Variants in CAMKMT observed in about 807,000 individuals in gnomAD.
CAMKMT encodes the protein CaM KMT.
Under a neutral mutation model 48.0 loss-of-function variants are expected in CAMKMT, and 53 were observed. That is an observed-to-expected ratio of 1.10 (90% CI 0.89 to 1.39). The LOEUF (loss-of-function observed/expected upper bound fraction) is 1.39, where lower values mean the gene tolerates loss of function less well. Ranked by LOEUF, CAMKMT falls within the 40% of genes most tolerant of loss-of-function variation. The probability of loss-of-function intolerance (pLI) is 0.00; values close to 1 mark genes in which losing one functional copy is unlikely to be tolerated. For synonymous variants in CAMKMT, 165 were observed against 152.3 expected, an observed-to-expected ratio of 1.08 and a Z score of -0.61; for missense variants, 428 against 402.7, an observed-to-expected ratio of 1.06 and a Z score of -0.54.
chr2:44,530,039 A>G (rs1666397933), intron 3 of CAMKMT, among the ~76,000 whole-genome samples: 1 of 152,200 alleles, frequency 6.6e-6, no homozygotes, highest in South Asian at 2.1e-4. Context: ...TAGTTCTGTC[A>G]TCAGTTAGAG....
chr2:44,617,937 C>T (rs1410119464), intron 3 of CAMKMT, among the ~76,000 whole-genome samples: 2 of 152,224 alleles, frequency 1.3e-5, no homozygotes, highest in Admixed American at 6.5e-5. Flanking sequence ...ATATAGATGG[C>T]TTATGTAAGA....
chr2:44,707,543 C>A, intron 6 of CAMKMT, 81 bp downstream of exon 6: 2 of 1,181,622 alleles, frequency 1.7e-6, no homozygotes, highest in Non-Finnish European at 2.5e-6. Flanking sequence ...TAAAGAAAGA[C>A]AGCATGGGGT....
At chr2:44,692,696 C>T (rs975047051) in intron 3 of CAMKMT, among the ~76,000 whole-genome samples, 3 of 151,966 alleles carry the variant, frequency 2.0e-5, no homozygotes, top group African/African-American at 7.3e-5. Context: ...TGCACTGTAA[C>T]TCAGGAAGAT....
chr2:44,550,806 G>A (rs1291662769), intron 3 of CAMKMT: 4 of 152,128 alleles, frequency 2.6e-5, no homozygotes, highest in African/African-American at 9.7e-5. Flanking sequence ...CATTGATTGA[G>A]GAGGCATTTA....
chr2:44,369,296 C>A (rs1678929734), intron 1 of CAMKMT, among the ~76,000 whole-genome samples: 1 of 152,164 alleles, frequency 6.6e-6, no homozygotes, highest in Non-Finnish European at 1.5e-5. Context: ...AAAACTTCTA[C>A]ATAGTATATA....
intron 2 of CAMKMT, among the ~76,000 whole-genome samples, chr2:44,386,693 C>T (rs1258632052): frequency 2.0e-5 from 3 of 151,992 alleles, no homozygotes; most frequent in Non-Finnish European, 4.4e-5. Flanking sequence ...TGCTGTATCC[C>T]ATAGATTTTG....
chr2:44,653,697 T>G lies in CAMKMT; in HGVS notation c.377-50586T>G, dbSNP rs866289914. Among the ~76,000 whole-genome samples, 6 of 152,232 alleles carry G rather than the reference T, an allele frequency of 3.9e-5. No homozygotes were observed. Among genetic ancestry groups the G allele is most frequent in the Admixed American group, 6.5e-5 (1 of 15,274 alleles). On this transcript the variant is annotated intron_variant, in intron 3 of 10. Transcript: ENST00000378494. The surrounding 1 kb of genome is among the most constrained non-coding windows in gnomAD (Gnocchi z 5.2). ...GACCAACCAAGATTAATGAAAAATTTTATCCCCCTTTTAAGTAAATTAATC... is the reference window on the plus strand; with the variant it reads ...GACCAACCAAGATTAATGAAAAATTGTATCCCCCTTTTAAGTAAATTAATC...
intron 3 of CAMKMT, among the ~76,000 whole-genome samples, chr2:44,586,083 G>A (rs768076512): frequency 6.6e-5 from 10 of 152,112 alleles, no homozygotes; most frequent in Non-Finnish European, 7.4e-5. Context: ...TCTTCAAATC[G>A]TACAGAGGTA....
intron 3 of CAMKMT, among the ~76,000 whole-genome samples, chr2:44,486,476 C>G (rs1253077235): frequency 6.6e-6 from 1 of 152,126 alleles, no homozygotes; most frequent in African/African-American, 2.4e-5. Flanking sequence ...GCTCTGGAAG[C>G]TTTTTCTGAT....
intron 3 of CAMKMT, among the ~76,000 whole-genome samples, chr2:44,481,195 T>A (rs146158748): frequency 7.9e-5 from 12 of 152,222 alleles, no homozygotes; most frequent in Non-Finnish European, 1.2e-4. Flanking sequence ...TTTTGTGCAT[T>A]GTCAGCTACT....
At chr2:44,459,934 T>C (rs191225197) in intron 3 of CAMKMT, among the ~76,000 whole-genome samples, 1 of 152,304 alleles carries the variant, frequency 6.6e-6, no homozygotes, top group African/African-American at 2.4e-5. Flanking sequence ...TGGAGTGTGA[T>C]TCTATGCTAA....
In CAMKMT at chr2:44,398,000, T is replaced by C. The variant is rs145122011; in HGVS notation, c.376+7695T>C. Among the ~76,000 whole-genome samples, 584 of 152,346 alleles carry C rather than the reference T, an allele frequency of 3.8e-3. 3 individuals are homozygous for C. The highest frequency in any genetic ancestry group is 6.2e-3 in the Non-Finnish European group (419 of 68,020). On this transcript the variant is annotated intron_variant, in intron 3 of 10. Coordinates refer to ENST00000378494, the MANE Select transcript of CAMKMT (RefSeq NM_024766.5). ...TACTTCCAAGTTTTAGCACAAGATA[T>C]GCCAAGAAAGTCTTTTTATTTTTCC...
At chr2:44,448,684 T>C (rs1067404) in intron 3 of CAMKMT, among the ~76,000 whole-genome samples, 2 of 152,058 alleles carry the variant, frequency 1.3e-5, no homozygotes, top group Non-Finnish European at 2.9e-5. Flanking sequence ...TCTGTAAACA[T>C]ATTTTTCACT....
At chr2:44,759,932 T>C (rs1391176983) in intron 9 of CAMKMT, among the ~76,000 whole-genome samples, 1 of 152,196 alleles carries the variant, frequency 6.6e-6, no homozygotes, top group Non-Finnish European at 1.5e-5. Context: ...TTTTTATTTG[T>C]TTTGTGAATC....
At chr2:44,679,252 A>T (rs1675884712) in intron 3 of CAMKMT, among the ~76,000 whole-genome samples, 1 of 152,198 alleles carries the variant, frequency 6.6e-6, no homozygotes, top group Non-Finnish European at 1.5e-5. Context: ...CCAAAACCTC[A>T]ATATAGTGAT....
intron 3 of CAMKMT, among the ~76,000 whole-genome samples, chr2:44,605,002 T>G (rs1252143709): frequency 3.3e-5 from 5 of 152,164 alleles, no homozygotes; most frequent in African/African-American, 1.2e-4. Context: ...CCTGATGAAC[T>G]GAGATAAAAA....
At chr2:44,455,533 T>A (rs759538243) in intron 3 of CAMKMT, among the ~76,000 whole-genome samples, 4 of 152,210 alleles carry the variant, frequency 2.6e-5, no homozygotes, top group Admixed American at 2.6e-4. Flanking sequence ...TATGGTCTAA[T>A]GAAGCATACC....
At chr2:44,669,886 C>T (rs1255385040) in intron 3 of CAMKMT, among the ~76,000 whole-genome samples, 1 of 152,174 alleles carries the variant, frequency 6.6e-6, no homozygotes, top group Non-Finnish European at 1.5e-5. Context: ...GATCTGCTCA[C>T]CTCAGCCTCC....
At chr2:44,484,096 G>A (rs954415922) in intron 3 of CAMKMT, among the ~76,000 whole-genome samples, 6 of 152,032 alleles carry the variant, frequency 3.9e-5, no homozygotes, top group African/African-American at 1.2e-4. Flanking sequence ...AGTCCTAATG[G>A]GGAGAAATGT....
Sources: allele counts gnomAD v4.1 joint callset (sites outside exome capture counted in the v4.1 genomes callset), GRCh38; gene constraint gnomAD v4.1.1; non-coding constraint Gnocchi (gnomAD v3.1); transcripts MANE v1.5; gene names NCBI Gene and HGNC (gene_info 2026-07-23, HGNC 2026-07-21).